The following ANXA6 variants were observed in gnomAD, a reference collection of about 807,000 sequenced individuals.
ANXA6 encodes the protein 67 kDa calelectrin.
ANXA6 carries 71 observed loss-of-function variants against 95.4 expected under a neutral mutation model. The ratio of observed to expected loss-of-function variants is 0.74; its 90% confidence interval spans 0.61 to 0.91. ANXA6 has a LOEUF of 0.91. ANXA6 is among the 40% of genes least tolerant of loss of function. The probability of loss-of-function intolerance (pLI) is 0.00; values close to 1 mark genes in which losing one functional copy is unlikely to be tolerated. For missense variants in ANXA6, 830 were observed against 876.4 expected, an observed-to-expected ratio of 0.95 and a Z score of 0.67; for synonymous variants, 289 against 315.9, an observed-to-expected ratio of 0.91 and a Z score of 0.90.
intron 25 of ANXA6, 97 bp downstream of exon 25, chr5:151,103,473 C>G: frequency 7.9e-7 from 1 of 1,268,852 alleles, no homozygotes; most frequent in South Asian, 1.6e-5. Flanking sequence ...AAGCGGTAAC[C>G]CACTGGAAAA....
At chr5:151,155,643 A>G (rs1187182344) in intron 1 of ANXA6, 4 of 152,314 alleles carry the variant, frequency 2.6e-5, no homozygotes, top group Admixed American at 1.3e-4. Context: ...CCCAGGAAGT[A>G]TATCGGAGAG....
rs113688532 is a variant in ANXA6 at position 151,142,304 on chromosome 5, C to T, written c.19-2061G>A. ...ACCAGCCTGGCCAATGTAATGAAAC[C>T]CTGTTTCAGCTAAAAATACAAAAAT... On this transcript the variant is annotated intron_variant, in intron 2 of 25. Coordinates refer to ENST00000354546, the MANE Select transcript of ANXA6 (RefSeq NM_001155.5). Among the ~76,000 whole-genome samples the T allele has an allele frequency of 9.4e-3, 1,424 of 152,218 alleles. 33 individuals are homozygous for T. The highest frequency in any genetic ancestry group is 0.032 in the African/African-American group (1,335 of 41,510).
intron 20 of ANXA6, 83 bp from the exon 21 acceptor site, chr5:151,110,727 G>A: frequency 6.7e-7 from 1 of 1,497,796 alleles, no homozygotes; most frequent in Admixed American, 1.7e-5. Context: ...TGGGGCCCTG[G>A]GGTGCAGGGT....
chr5:151,148,858 G>A (rs567880536), intron 1 of ANXA6, among the ~76,000 whole-genome samples: 4 of 152,136 alleles, frequency 2.6e-5, no homozygotes, highest in African/African-American at 7.2e-5. Context: ...ATCTGAGACC[G>A]GTGCCTGAGG....
At chr5:151,130,143 T>G (rs1249084767) in intron 11 of ANXA6, among the ~76,000 whole-genome samples, 1 of 152,234 alleles carries the variant, frequency 6.6e-6, no homozygotes, top group Non-Finnish European at 1.5e-5. Flanking sequence ...CCACTGTGCA[T>G]TTAGGTTTTT....
intron 1 of ANXA6, among the ~76,000 whole-genome samples, chr5:151,150,033 C>T (rs560594010): frequency 7.9e-5 from 12 of 151,632 alleles, no homozygotes; most frequent in African/African-American, 2.2e-4. Flanking sequence ...GCAGGTGAAT[C>T]GCTTGAGCTG....
chr5:151,137,559 GC>G (rs1765703335), intron 5 of ANXA6, among the ~76,000 whole-genome samples: 1 of 152,164 alleles, frequency 6.6e-6, no homozygotes, highest in African/African-American at 2.4e-5. Flanking sequence ...TGGAAGTGGG[GC>G]CTGGTGGGAG....
At chr5:151,110,594 C>T (rs554703518) in intron 21 of ANXA6, 33 bp downstream of exon 21, 13 of 1,611,644 alleles carry the variant, frequency 8.1e-6, no homozygotes, top group Admixed American at 3.3e-5. Context: ...ACTCAGAGGC[C>T]GTTAAAACCC....
At chr5:151,154,337 C>A in intron 1 of ANXA6, among the ~76,000 whole-genome samples, 1 of 145,270 alleles carries the variant, frequency 6.9e-6, no homozygotes, top group South Asian at 2.2e-4. Context: ...ATATATTGAT[C>A]CCATACACAA....
intron 5 of ANXA6, 84 bp downstream of exon 5, chr5:151,138,594 C>A: frequency 2.2e-6 from 2 of 928,786 alleles, no homozygotes; most frequent in African/African-American, 1.6e-5. Flanking sequence ...GGGTATGGGG[C>A]TCACCAGTTG....
intron 5 of ANXA6, 100 bp from the exon 6 acceptor site, chr5:151,137,421 C>A: frequency 4.7e-6 from 4 of 856,918 alleles, no homozygotes; most frequent in Non-Finnish European, 7.3e-6. Flanking sequence ...CACCCCAGGA[C>A]TCAGGAGGTT....
rs192441030 is a variant in ANXA6 at position 151,118,810 on chromosome 5, C to T, written c.1438+490G>A. On this transcript the variant is annotated intron_variant, in intron 18 of 25. Coordinates refer to ENST00000354546, the MANE Select transcript of ANXA6 (RefSeq NM_001155.5). ...CTCGAAGTCCTGGGCTCAAGCAATC[C>T]GCCTGCCTGAGACTCCCAAAGTGCT... Among the ~76,000 whole-genome samples the T allele has an allele frequency of 1.6e-3, 242 of 152,248 alleles. 1 individual carries two copies. The highest frequency in any genetic ancestry group is 2.7e-3 in the Admixed American group (42 of 15,290).
At position 151,101,506 on chromosome 5, in the gene ANXA6, C is replaced by A. The variant is rs1212182795; in HGVS notation, c.1964G>T (p.Gly655Val). The A allele has an allele frequency of 1.3e-6, 2 of 1,559,600 alleles. No individual in the cohort carries two copies. Residue 655 changes from glycine to valine, a missense_variant and splice_region_variant, in exon 26 of 26, where the codon GGT becomes GTT. Physicochemically the swap from Gly to Val is moderately radical, Grantham distance 109. Transcript: ENST00000354546. ...YDKSLHQAIE[G>V]DTSGDFLKAL... ...CTTCAGGAAGTCTCCGGAGGTGTCACCCTGGCAGAGGCAGAGAGCAGAGTG... is the reference window on the plus strand; with the variant it reads ...CTTCAGGAAGTCTCCGGAGGTGTCAACCTGGCAGAGGCAGAGAGCAGAGTG...
At chr5:151,129,867 C>A (rs555144186) in intron 11 of ANXA6, among the ~76,000 whole-genome samples, 1 of 152,064 alleles carries the variant, frequency 6.6e-6, no homozygotes, top group Non-Finnish European at 1.5e-5. Flanking sequence ...CCCACCACTA[C>A]GCCTGGCTAA....
In ANXA6 at chr5:151,101,424, G is replaced by A. The variant is rs1240453399; in HGVS notation, c.*24C>T. 3 of 1,550,244 alleles carry A rather than the reference G, an allele frequency of 1.9e-6. No individual in the cohort carries two copies. Among genetic ancestry groups the A allele is most frequent in the East Asian group, 4.9e-5 (2 of 40,862 alleles). ...TGGTGCTGATAACCATTTCTTGGCA[G>A]AAGTGCCCGCCAAAGCTGTGGCCCT... On this transcript the variant is annotated 3_prime_UTR_variant, in exon 26 of 26. Transcript: ENST00000354546.
chr5:151,128,593 A>C (rs1448312214), intron 12 of ANXA6, among the ~76,000 whole-genome samples: 1 of 152,242 alleles, frequency 6.6e-6, no homozygotes, highest in Non-Finnish European at 1.5e-5. Context: ...TCCCCAGCCC[A>C]GTCCTTCCAC....
chr5:151,148,775 G>A (rs2113957692), intron 1 of ANXA6, among the ~76,000 whole-genome samples: 2 of 152,262 alleles, frequency 1.3e-5, no homozygotes, highest in Admixed American at 1.3e-4. Context: ...ACCGCGGGGT[G>A]GTGCAAGTGA....
chr5:151,121,905 GCAGAGCCAAGA>G (rs1252433262), intron 17 of ANXA6, among the ~76,000 whole-genome samples: 1 of 152,216 alleles, frequency 6.6e-6, no homozygotes, highest in Non-Finnish European at 1.5e-5. Context: ...AGGGAGGACA[GCAGAGCCAAGA>G]CAGGGGTGAG....
At chr5:151,117,524 C>T (rs1765035661) in intron 19 of ANXA6, among the ~76,000 whole-genome samples, 1 of 152,188 alleles carries the variant, frequency 6.6e-6, no homozygotes, top group African/African-American at 2.4e-5. Flanking sequence ...GGGGGCCCAA[C>T]AAGCCAGGAC....
Sources: gnomAD v4.1 joint callset for allele counts (sites outside exome capture counted in the v4.1 genomes callset) on GRCh38, gnomAD v4.1.1 for gene constraint, MANE v1.5 for transcripts, NCBI Gene and HGNC (gene_info 2026-07-23, HGNC 2026-07-21) for gene names.